The following LYPD5 variants were observed in gnomAD, a reference collection of about 807,000 sequenced individuals.
LYPD5 encodes the protein LY6/PLAUR domain containing 5.
In LYPD5, 21 loss-of-function variants were observed where a neutral mutation model predicts 19.1. That is an observed-to-expected ratio of 1.10 (90% confidence interval 0.78 to 1.58). The LOEUF (loss-of-function observed/expected upper bound fraction) is 1.58. Ranked by LOEUF, LYPD5 falls within the 40% of genes most tolerant of loss-of-function variation. The pLI is 0.00. For synonymous variants in LYPD5, 128 were observed against 142.7 expected (o/e 0.90, Z 0.74); for missense variants, 287 against 329.8 (o/e 0.87, Z 1.00).
At chr19:43,802,560 T>TCA, upstream of LYPD5, 6 of 263,066 alleles carry the variant, frequency 2.3e-5, no homozygotes, top group Non-Finnish European at 1.9e-5. Flanking sequence ...GATCCTCAGT[T>TCA]GCTGGAGATC....
intron 1 of LYPD5, among the ~76,000 whole-genome samples, chr19:43,809,638 C>T (rs968681933): frequency 2.6e-5 from 4 of 152,120 alleles, no homozygotes; most frequent in Admixed American, 6.5e-5. Flanking sequence ...GTGATCCACC[C>T]GCCTTGGCCT....
At chr19:43,818,417 T>C (rs1337741776) in intron 1 of LYPD5, among the ~76,000 whole-genome samples, 2 of 152,288 alleles carry the variant, frequency 1.3e-5, no homozygotes, top group Non-Finnish European at 1.5e-5. Flanking sequence ...TCAAGTGTAA[T>C]TGATTGTTTA....
intron 1 of LYPD5, 143 bp from the exon 2 acceptor site, chr19:43,799,977 T>A: frequency 1.0e-6 from 1 of 960,260 alleles, no homozygotes; most frequent in Non-Finnish European, 1.5e-6. Flanking sequence ...CAGGTGCTGC[T>A]ATTGCAGCTG....
intron 1 of LYPD5, among the ~76,000 whole-genome samples, chr19:43,807,558 A>G (rs1291700579): frequency 1.3e-5 from 2 of 152,158 alleles, no homozygotes; most frequent in African/African-American, 4.8e-5. Flanking sequence ...TTGGGATTAC[A>G]GGTGTGAGCC....
intron 1 of LYPD5, among the ~76,000 whole-genome samples, chr19:43,807,885 TAA>T (rs1469030910): frequency 6.6e-6 from 1 of 152,248 alleles, no homozygotes; most frequent in Admixed American, 6.5e-5. Context: ...CCTTCATTCC[TAA>T]AGAGATCTTG....
chr19:43,809,899 C>A (rs1031730662), intron 1 of LYPD5, among the ~76,000 whole-genome samples: 1 of 152,196 alleles, frequency 6.6e-6, no homozygotes, highest in African/African-American at 2.4e-5. Context: ...AAAATCAACA[C>A]GTCTTTCCAT....
intron 1 of LYPD5, among the ~76,000 whole-genome samples, chr19:43,800,435 C>G (rs546207677): frequency 6.6e-6 from 1 of 152,190 alleles, no homozygotes; most frequent in Non-Finnish European, 1.5e-5. Context: ...TATAAACCTC[C>G]CTAACTAAGG....
intron 1 of LYPD5, among the ~76,000 whole-genome samples, chr19:43,817,589 G>A (rs555930861): frequency 6.6e-6 from 1 of 152,192 alleles, no homozygotes; most frequent in East Asian, 1.9e-4. Context: ...AATGAATGGA[G>A]GTATGATAGG....
At chr19:43,806,881 C>T (rs1970275006), upstream of LYPD5, among the ~76,000 whole-genome samples, 1 of 152,200 alleles carries the variant, frequency 6.6e-6, no homozygotes, top group South Asian at 2.1e-4. Flanking sequence ...GTCTCTGGTG[C>T]TCAAAAGGTT....
intron 1 of LYPD5, among the ~76,000 whole-genome samples, chr19:43,816,042 CTATCTATCT>C (rs1286472610): frequency 8.2e-6 from 1 of 121,856 alleles, no homozygotes; most frequent in Non-Finnish European, 1.9e-5. Flanking sequence ...CTCTATCTAT[CTATCTATCT>C]ATCTATCTAT....
chr19:43,799,650 T>TC (rs1555728143), intron 2 of LYPD5, 56 bp downstream of exon 2: 3 of 1,542,500 alleles, frequency 1.9e-6, no homozygotes, highest in East Asian at 2.3e-5. Flanking sequence ...TGCTCCCCTC[T>TC]CCCCCCTTTT....
upstream of LYPD5, among the ~76,000 whole-genome samples, chr19:43,805,018 C>T (rs772949884): frequency 3.9e-5 from 6 of 152,186 alleles, no homozygotes; most frequent in Admixed American, 6.5e-5. Flanking sequence ...CTTTTGGGAG[C>T]ATCCATCTGG....
chr19:43,809,080 C>T (rs1378605531), intron 1 of LYPD5, among the ~76,000 whole-genome samples: 1 of 152,194 alleles, frequency 6.6e-6, no homozygotes, highest in Non-Finnish European at 1.5e-5. Flanking sequence ...TGCCCTGTCA[C>T]CCAGGCTGGA....
chr19:43,814,079 G>C (rs759520267), intron 1 of LYPD5, among the ~76,000 whole-genome samples: 11 of 152,146 alleles, frequency 7.2e-5, no homozygotes, highest in Non-Finnish European at 1.5e-4. Flanking sequence ...CTTCTTCCTA[G>C]ACCTACTTGC....
intron 1 of LYPD5, among the ~76,000 whole-genome samples, chr19:43,809,316 T>G (rs1049988220): frequency 2.6e-5 from 4 of 151,298 alleles, no homozygotes; most frequent in Non-Finnish European, 5.9e-5. Context: ...GGATTACATG[T>G]GTGAGCCACT....
intron 1 of LYPD5, among the ~76,000 whole-genome samples, chr19:43,819,359 A>G (rs1047755501): frequency 1.0e-4 from 14 of 139,608 alleles, no homozygotes; most frequent in African/African-American, 3.3e-4. Flanking sequence ...ATCTCAGCTC[A>G]CTGCAATCTC....
intron 1 of LYPD5, among the ~76,000 whole-genome samples, chr19:43,816,606 T>C (rs757532793): frequency 6.6e-6 from 1 of 152,258 alleles, no homozygotes; most frequent in South Asian, 2.1e-4. Context: ...CCAGTAAAGA[T>C]GTCACATCTG....
rs1040282156 is a variant in LYPD5, at chr19:43,797,838, G to A, written c.518-9C>T. On this transcript the variant is annotated splice_polypyrimidine_tract_variant and intron_variant, in intron 4 of 4. Transcript: ENST00000377950. ...AGGGACTGAGAAATTGCCTGGAGGT[G>A]GGCAAAGCAGTGAGGAACGGTCAGA... is the stretch of plus-strand genomic sequence containing the variant. 2 of 1,602,286 alleles carry A rather than the reference G, an allele frequency of 1.2e-6. No homozygotes were observed. Among genetic ancestry groups the A allele is most frequent in the Non-Finnish European group, 1.7e-6 (2 of 1,170,280 alleles).
At chr19:43,814,132 CAGAA>C (rs1970349973) in intron 1 of LYPD5, among the ~76,000 whole-genome samples, 1 of 152,208 alleles carries the variant, frequency 6.6e-6, no homozygotes. Flanking sequence ...CCTGACCAAA[CAGAA>C]AGCCATGGGC....
Sources: allele counts gnomAD v4.1 joint callset (sites outside exome capture counted in the v4.1 genomes callset), GRCh38; gene constraint gnomAD v4.1.1; transcripts MANE v1.5; gene names NCBI Gene and HGNC (gene_info 2026-07-23, HGNC 2026-07-21).